The following PDE11A variants were observed in gnomAD, a reference collection of about 807,000 sequenced individuals.
The protein encoded by PDE11A is phosphodiesterase 11A, also known as dual 3',5'-cyclic-AMP and -GMP phosphodiesterase 11A.
PDE11A carries 100 observed loss-of-function variants against 100.5 expected under a neutral mutation model. The ratio of observed to expected loss-of-function variants is 1.00; its 90% CI spans 0.85 to 1.18. PDE11A has a LOEUF of 1.18. Ranked by LOEUF, PDE11A falls within the 50% of genes most tolerant of loss-of-function variation. The pLI, the probability that PDE11A is intolerant of heterozygous loss-of-function variation, is 0.00. For missense variants in PDE11A, 1,141 were observed against 1,152.6 expected, an observed-to-expected ratio of 0.99 and a Z score of 0.15; for synonymous variants, 381 against 420.8, an observed-to-expected ratio of 0.91 and a Z score of 1.16.
At chr2:178,071,223 G>A (rs982855077) in intron 1 of PDE11A, among the ~76,000 whole-genome samples, 9 of 152,134 alleles carry the variant, frequency 5.9e-5, no homozygotes, top group African/African-American at 2.2e-4. Flanking sequence ...GAGAGGAGGA[G>A]GGAGCTGTGG....
intron 1 of PDE11A, among the ~76,000 whole-genome samples, chr2:178,044,591 G>A (rs1314634780): frequency 2.0e-5 from 3 of 151,860 alleles, no homozygotes; most frequent in African/African-American, 7.3e-5. Context: ...AACAAGCACT[G>A]CATATGATGC....
intron 19 of PDE11A, among the ~76,000 whole-genome samples, chr2:177,637,451 A>G (rs1349707382): frequency 6.6e-6 from 1 of 152,104 alleles, no homozygotes; most frequent in East Asian, 1.9e-4. Flanking sequence ...AATTCTATCT[A>G]TCGCACTGAA....
chr2:177,969,540 T>C (rs560538309), intron 2 of PDE11A, among the ~76,000 whole-genome samples: 5 of 152,318 alleles, frequency 3.3e-5, no homozygotes, highest in South Asian at 4.1e-4. Context: ...GCTGTGCTAA[T>C]AGAAATCAAG....
At chr2:177,958,146 C>T (rs2105787736) in intron 2 of PDE11A, among the ~76,000 whole-genome samples, 1 of 152,210 alleles carries the variant, frequency 6.6e-6, no homozygotes, top group South Asian at 2.1e-4. Flanking sequence ...CTGCCTCGGC[C>T]TCCCAAGGTG....
At chr2:177,934,721 C>A (rs1226512704) in intron 2 of PDE11A, among the ~76,000 whole-genome samples, 1 of 152,138 alleles carries the variant, frequency 6.6e-6, no homozygotes, top group African/African-American at 2.4e-5. Flanking sequence ...AATAGCAAAG[C>A]ATGGATTCAG....
intron 2 of PDE11A, among the ~76,000 whole-genome samples, chr2:177,945,727 T>TA (rs2085408660): frequency 9.0e-6 from 1 of 110,988 alleles, no homozygotes; most frequent in African/African-American, 3.5e-5. Flanking sequence ...GGGAGGGAGG[T>TA]GGGGGGGGTC....
intron 2 of PDE11A, among the ~76,000 whole-genome samples, chr2:177,987,004 G>A (rs1166278166): frequency 1.3e-5 from 2 of 152,104 alleles, no homozygotes; most frequent in Non-Finnish European, 2.9e-5. Context: ...GTATTTCTCA[G>A]CAAACTTTCT....
chr2:177,666,218 G>GT (rs2080578832), intron 18 of PDE11A, among the ~76,000 whole-genome samples: 2 of 152,070 alleles, frequency 1.3e-5, no homozygotes, highest in African/African-American at 4.8e-5. Flanking sequence ...TGTTTTCAAG[G>GT]TTTACCCATG....
rs967397708 is a variant in PDE11A at position 177,904,588 on chromosome 2, T to C, written c.1161+510A>G. 2.7e-5 allele frequency among the ~76,000 whole-genome samples: 4 copies of C among 149,354 alleles called. No homozygotes were observed. The Admixed American group carries it at 2.7e-4, about 10-fold the overall frequency. On this transcript the variant is annotated intron_variant, in intron 3 of 19. Transcript: ENST00000286063. ...TTTTTTTTTTTGAGATGGAGTCTAG[T>C]CTGTCACCTAGGCTGGAGTGCAGTG...
chr2:178,089,848 C>T (rs1267996112), intron 2 of PDE11A, among the ~76,000 whole-genome samples: 1 of 152,160 alleles, frequency 6.6e-6, no homozygotes, highest in African/African-American at 2.4e-5. Context: ...TGTTTCTCCC[C>T]ATTTCAAAGC....
intron 2 of PDE11A, among the ~76,000 whole-genome samples, chr2:177,931,062 T>C (rs1363476827): frequency 1.3e-5 from 2 of 152,192 alleles, no homozygotes; most frequent in Non-Finnish European, 2.9e-5. Context: ...TTTTTCCTTA[T>C]AGATACTATG....
intron 4 of PDE11A, among the ~76,000 whole-genome samples, chr2:177,883,105 T>C (rs1414284153): frequency 1.3e-5 from 2 of 151,620 alleles, no homozygotes; most frequent in Non-Finnish European, 2.9e-5. Context: ...CCCGTCTCTA[T>C]TAAAAATACA....
chr2:177,738,207 C>T (rs2081822086), intron 10 of PDE11A, among the ~76,000 whole-genome samples: 1 of 152,086 alleles, frequency 6.6e-6, no homozygotes, highest in African/African-American at 2.4e-5. Context: ...CCTGTGACCC[C>T]AATCTTCAAG....
chr2:177,752,787 A>C (rs1380995542), intron 10 of PDE11A, among the ~76,000 whole-genome samples: 1 of 152,208 alleles, frequency 6.6e-6, no homozygotes, highest in African/African-American at 2.4e-5. Flanking sequence ...GGCAAATCTG[A>C]CTGTATCATT....
At chr2:177,795,576 T>C (rs1163907599) in intron 9 of PDE11A, among the ~76,000 whole-genome samples, 1 of 152,106 alleles carries the variant, frequency 6.6e-6, no homozygotes, top group Non-Finnish European at 1.5e-5. Flanking sequence ...TCAAAGACCT[T>C]CTGAAATGCC....
chr2:178,068,720 T>C lies in PDE11A; in HGVS notation c.912+2806A>G, dbSNP rs143505512. On this transcript the variant is annotated intron_variant, in intron 1 of 19. Transcript: ENST00000286063. Reference sequence around the variant, plus strand: ...TATTTGGAAGGTTGTCGGTTTTCATTAAGAGAAATCTGTAACACCAGGAAA... The same window carrying C: ...TATTTGGAAGGTTGTCGGTTTTCATCAAGAGAAATCTGTAACACCAGGAAA... Among the ~76,000 whole-genome samples, 359 of 152,222 alleles carry C rather than the reference T, an allele frequency of 2.4e-3. 3 individuals are homozygous for C. Among genetic ancestry groups the C allele is most frequent in the Admixed American group, 0.012 (179 of 15,292 alleles).
chr2:177,723,134 T>C (rs2081553377), intron 12 of PDE11A: 2 of 152,078 alleles, frequency 1.3e-5, no homozygotes, highest in Admixed American at 1.3e-4. Flanking sequence ...CCAGAATGAA[T>C]TTTCTACCTC....
intron 2 of PDE11A, among the ~76,000 whole-genome samples, chr2:178,004,143 C>G (rs2086176930): frequency 6.6e-6 from 1 of 151,530 alleles, no homozygotes; most frequent in Admixed American, 6.6e-5. Context: ...GTAAATAAAC[C>G]AAGAATTTAA....
intron 5 of PDE11A, among the ~76,000 whole-genome samples, chr2:177,843,060 G>T (rs996710130): frequency 1.3e-5 from 2 of 152,134 alleles, no homozygotes; most frequent in Admixed American, 1.3e-4. Flanking sequence ...AGAAAGAGAA[G>T]AAATTTTAAG....
Sources: allele counts gnomAD v4.1 joint callset (sites outside exome capture counted in the v4.1 genomes callset), GRCh38; gene constraint gnomAD v4.1.1; transcripts MANE v1.5; gene names NCBI Gene and HGNC (gene_info 2026-07-23, HGNC 2026-07-21).